The following GOLM1 variants were observed in gnomAD, a reference collection of about 807,000 sequenced individuals.
GOLM1 encodes epididymis luminal protein 46.
GOLM1 carries 31 observed loss-of-function variants against 50.5 expected under a neutral mutation model. That is an observed-to-expected ratio of 0.61 (90% confidence interval 0.46 to 0.83). GOLM1 has a LOEUF of 0.83. Among genes scored for constraint, GOLM1 ranks in the 40% least tolerant of loss-of-function variants. The probability of loss-of-function intolerance (pLI) is 0.00; values close to 1 mark genes in which losing one functional copy is unlikely to be tolerated. For synonymous variants in GOLM1, 178 were observed against 192.8 expected (o/e 0.92, Z 0.64); for missense variants, 491 against 501.3 (o/e 0.98, Z 0.20).
In GOLM1 at chr9:86,033,279, T is replaced by C; in HGVS notation, c.1129+3A>G. 6.5e-7 allele frequency: 1 copy of C among 1,540,818 alleles called. No homozygotes were observed. The highest frequency in any genetic ancestry group is 9.0e-7 in the Non-Finnish European group (1 of 1,112,830). ...TCGTCACCGATGTAGGCCCCATTCT[T>C]ACCATCTATGTTTCTGTCATTCCCT... On this transcript the variant is annotated splice_donor_region_variant and intron_variant, in intron 9 of 9. Coordinates refer to ENST00000388712, the MANE Select transcript of GOLM1 (RefSeq NM_016548.4).
At chr9:86,037,305 C>T (rs1216176959) in intron 6 of GOLM1, among the ~76,000 whole-genome samples, 1 of 151,982 alleles carries the variant, frequency 6.6e-6, no homozygotes, top group Admixed American at 6.6e-5. Context: ...ATTCCAGCTA[C>T]TTGGGAGGTG....
chr9:86,067,115 T>C (rs12349253), intron 3 of GOLM1, among the ~76,000 whole-genome samples: 54,585 of 152,106 alleles, frequency 0.36, 12,673 homozygotes, highest in African/African-American at 0.65. Flanking sequence ...TTTGTATTTT[T>C]AGTAGAGACG....
rs556354810 is a variant in GOLM1, at chr9:86,094,084, G to A, written c.-22+5327C>T. On this transcript the variant is annotated intron_variant, in intron 1 of 9. Transcript: ENST00000388712. The stretch of plus-strand genomic sequence containing the variant: ...CAGTCACCAAGTTTTCTGATGGCCT[G>A]GAAATATTCCACCCTGTCCCAAGAA... Among the ~76,000 whole-genome samples, 3 of 152,248 alleles carry A rather than the reference G, an allele frequency of 2.0e-5. No individual in the cohort carries two copies. The South Asian group carries it at 6.2e-4, about 32-fold the overall frequency.
intron 3 of GOLM1, among the ~76,000 whole-genome samples, chr9:86,054,453 A>G (rs1833925325): frequency 6.6e-6 from 1 of 151,942 alleles, no homozygotes; most frequent in South Asian, 2.1e-4. Flanking sequence ...CAAACTTCTG[A>G]CCTCAAGTGA....
chr9:86,030,614 C>T (rs1488209614), intron 9 of GOLM1, among the ~76,000 whole-genome samples: 1 of 151,508 alleles, frequency 6.6e-6, no homozygotes, highest in African/African-American at 2.4e-5. Context: ...CGATAAAGAA[C>T]ACTAAAGAGG....
At position 86,053,461 on chromosome 9, in the gene GOLM1, ACAC is replaced by A. The variant is rs1204579858; in HGVS notation, c.310-873_310-871del. On this transcript the variant is annotated intron_variant, in intron 3 of 9. Coordinates refer to ENST00000388712, the MANE Select transcript of GOLM1 (RefSeq NM_016548.4). Reference sequence around the variant, plus strand: ...ACACCATTCCATACCAAACCACATCACACCACACCACTCCATACCACACACATC... The same window carrying A: ...ACACCATTCCATACCAAACCACATCACACACCACTCCATACCACACACATC... 1.6e-3 allele frequency among the ~76,000 whole-genome samples: 136 copies of A among 85,102 alleles called. 1 individual carries two copies. The highest frequency in any genetic ancestry group is 5.7e-3 in the African/African-American group (120 of 21,196). The allele number at this position is 85,102 out of a possible 152,430, so 55.8% of individuals were successfully genotyped here.
chr9:86,032,606 C>A (rs144505716), intron 9 of GOLM1, among the ~76,000 whole-genome samples: 1 of 152,116 alleles, frequency 6.6e-6, no homozygotes, highest in South Asian at 2.1e-4. Context: ...AAAATGTCAC[C>A]ACTTGGGCAA....
chr9:86,037,399 T>C (rs999193489), intron 6 of GOLM1, among the ~76,000 whole-genome samples: 22 of 148,908 alleles, frequency 1.5e-4, no homozygotes, highest in African/African-American at 4.3e-4. Flanking sequence ...GATCATGCCA[T>C]TGCATTCCAG....
intron 3 of GOLM1, among the ~76,000 whole-genome samples, chr9:86,064,585 C>T (rs1834253031): frequency 6.6e-6 from 1 of 152,196 alleles, no homozygotes. Flanking sequence ...CCAGGGCCTG[C>T]CTTTTAAATC....
In GOLM1 at chr9:86,059,457, G is replaced by A. The variant is rs1342473165; in HGVS notation, c.310-6866C>T. Among the ~76,000 whole-genome samples, 3 of 152,244 alleles carry A rather than the reference G, an allele frequency of 2.0e-5. No individual in the cohort carries two copies. The South Asian group carries it at 6.2e-4, about 32-fold the overall frequency. On this transcript the variant is annotated intron_variant, in intron 3 of 9. Transcript: ENST00000388712. ...AAGCCAGACACAAAACAAAGGCCAC[G>A]TACTGCATGATTCTATACTACATGA...
chr9:86,045,239 T>C (rs1833499193), intron 5 of GOLM1, among the ~76,000 whole-genome samples: 1 of 151,398 alleles, frequency 6.6e-6, no homozygotes, highest in Non-Finnish European at 1.5e-5. Flanking sequence ...TAGTCCCAGC[T>C]ACTCAGGAGG....
At chr9:86,044,135 A>G (rs1050505404) in intron 5 of GOLM1, among the ~76,000 whole-genome samples, 1 of 152,196 alleles carries the variant, frequency 6.6e-6, no homozygotes, top group Non-Finnish European at 1.5e-5. Context: ...ACCTCTACCC[A>G]CTAGATGCCA....
intron 3 of GOLM1, among the ~76,000 whole-genome samples, chr9:86,068,699 T>C (rs1216185092): frequency 6.6e-6 from 1 of 152,232 alleles, no homozygotes; most frequent in Non-Finnish European, 1.5e-5. Context: ...GCAAAATACA[T>C]GTTTGTTATG....
chr9:86,070,440 C>T (rs1324901845), intron 3 of GOLM1, among the ~76,000 whole-genome samples: 2 of 151,834 alleles, frequency 1.3e-5, no homozygotes, highest in African/African-American at 4.8e-5. Context: ...GGTGTGGTGG[C>T]ACGTGACTGT....
chr9:86,053,685 C>CACACACCACACACCATTCCAAACCATGCT (rs1833890022), intron 3 of GOLM1, among the ~76,000 whole-genome samples: 1 of 63,958 alleles, frequency 1.6e-5, no homozygotes, highest in Admixed American at 1.4e-4. Context: ...CACCACTCCA[C>CACACACCACACACCATTCCAAACCATGCT]ACACACCACA....
intron 3 of GOLM1, among the ~76,000 whole-genome samples, chr9:86,053,618 A>T (rs1400936418): frequency 9.0e-4 from 26 of 29,046 alleles, no homozygotes; most frequent in Admixed American, 1.1e-3. Flanking sequence ...CACACACCAC[A>T]CCAAACATCA....
At chr9:86,065,235 T>A (rs1335184765) in intron 3 of GOLM1, among the ~76,000 whole-genome samples, 1 of 152,158 alleles carries the variant, frequency 6.6e-6, no homozygotes, top group Non-Finnish European at 1.5e-5. Flanking sequence ...CTACACTCAC[T>A]TCCTCATCTT....
chr9:86,030,244 A>G (rs1371656708), intron 9 of GOLM1, among the ~76,000 whole-genome samples: 4 of 146,454 alleles, frequency 2.7e-5, no homozygotes, highest in Non-Finnish European at 4.5e-5. Flanking sequence ...AAAAAAAAAG[A>G]ATAGAAGTAA....
rs370085594 is a variant in GOLM1 at position 86,048,044 on chromosome 9, G to A, written c.365-1472C>T. Among the ~76,000 whole-genome samples, 7 of 89,884 alleles carry A rather than the reference G, an allele frequency of 7.8e-5. No homozygotes were observed. In the East Asian group the frequency reaches 1.2e-3, roughly 15 times the overall value. The allele number at this position is 89,884 out of a possible 152,430, so 59.0% of individuals were successfully genotyped here. A position where few individuals can be genotyped will look rare whatever the true frequency, so the allele number is the denominator to read the frequency against. ...TCCCTCCCCCCTCCCCCCACCCCACGACACGCCCCAGATGTTCCTTGCCCT... is the reference window on the plus strand; with the variant it reads ...TCCCTCCCCCCTCCCCCCACCCCACAACACGCCCCAGATGTTCCTTGCCCT... On this transcript the variant is annotated intron_variant, in intron 4 of 9. Transcript: ENST00000388712.
Sources: allele counts gnomAD v4.1 joint callset (sites outside exome capture counted in the v4.1 genomes callset), GRCh38; gene constraint gnomAD v4.1.1; transcripts MANE v1.5; gene names NCBI Gene and HGNC (gene_info 2026-07-23, HGNC 2026-07-21).